The following MYO3B variants were observed in gnomAD, a reference collection of about 807,000 sequenced individuals.
The protein encoded by MYO3B is myosin-IIIb.
MYO3B carries 156 observed loss-of-function variants against 174.6 expected under a neutral mutation model. The ratio of observed to expected loss-of-function variants is 0.89; its 90% CI spans 0.78 to 1.02. The LOEUF is 1.02. Ranked by LOEUF, MYO3B falls within the 50% of genes least tolerant of loss-of-function variation. The pLI is 0.00. For missense variants in MYO3B, 1,632 were observed against 1,639.4 expected (o/e 1.00, Z 0.08); for synonymous variants, 563 against 569.1 (o/e 0.99, Z 0.15).
chr2:170,491,777 C>T (rs1468452492), intron 25 of MYO3B, among the ~76,000 whole-genome samples: 1 of 152,160 alleles, frequency 6.6e-6, no homozygotes, highest in Non-Finnish European at 1.5e-5. Flanking sequence ...TAGGGTATAT[C>T]ATGGTAAATG....
chr2:170,286,205 C>T (rs184925442), intron 7 of MYO3B, among the ~76,000 whole-genome samples: 379 of 152,254 alleles, frequency 2.5e-3, no homozygotes, highest in African/African-American at 8.8e-3. Flanking sequence ...CCAAAGCAGC[C>T]AAAGCAATGT....
At chr2:170,297,061 C>A (rs1480876556) in intron 7 of MYO3B, among the ~76,000 whole-genome samples, 1 of 152,092 alleles carries the variant, frequency 6.6e-6, no homozygotes, top group African/African-American at 2.4e-5. Context: ...CAGATCCGAA[C>A]CATATTAATC....
intron 27 of MYO3B, among the ~76,000 whole-genome samples, chr2:170,500,523 T>A (rs2106080734): frequency 6.6e-6 from 1 of 152,348 alleles, no homozygotes; most frequent in South Asian, 2.1e-4. Context: ...CTGCATTTGC[T>A]GCTACCCAGG....
chr2:170,432,554 TAATTTATTATTTAAAAAAAAAGA>T (rs1194468871), intron 22 of MYO3B, among the ~76,000 whole-genome samples: 2 of 151,844 alleles, frequency 1.3e-5, no homozygotes, highest in Non-Finnish European at 2.9e-5. Context: ...GGTAAGTGGT[TAATTTATTATTTAAAAAAAAAGA>T]AATTTTTTTT....
intron 7 of MYO3B, among the ~76,000 whole-genome samples, chr2:170,307,124 T>A (rs2093705970): frequency 6.6e-6 from 1 of 151,354 alleles, no homozygotes; most frequent in Non-Finnish European, 1.5e-5. Context: ...ACACCAGCAG[T>A]CCTAACTACT....
intron 32 of MYO3B, among the ~76,000 whole-genome samples, chr2:170,612,856 C>T (rs930791555): frequency 2.0e-5 from 3 of 152,196 alleles, no homozygotes; most frequent in South Asian, 2.1e-4. Context: ...GCATGACCCA[C>T]GGAAGATGTC....
chr2:170,539,250 C>A (rs947892717), intron 30 of MYO3B, among the ~76,000 whole-genome samples: 1 of 152,178 alleles, frequency 6.6e-6, no homozygotes, highest in East Asian at 1.9e-4. Context: ...TGCTTGCTTC[C>A]TGTGGTCTTA....
chr2:170,357,224 T>C lies in MYO3B; in HGVS notation c.816-11998T>C, dbSNP rs575467288. ...CAGGAAGCTGAGGCAGGAGAATCCC[T>C]TGAACCTGGGAGGCGGAGGTTGCAG... is the stretch of plus-strand genomic sequence containing the variant. On this transcript the variant is annotated intron_variant, in intron 8 of 34. Coordinates refer to ENST00000408978, the MANE Select transcript of MYO3B (RefSeq NM_138995.5). Among the ~76,000 whole-genome samples the C allele has an allele frequency of 3.6e-3, 540 of 151,658 alleles. 2 individuals carry two copies. Among genetic ancestry groups the C allele is most frequent in the Middle Eastern group, 0.01 (3 of 294 alleles).
At chr2:170,472,279 G>A (rs1685021443) in intron 25 of MYO3B, among the ~76,000 whole-genome samples, 1 of 152,168 alleles carries the variant, frequency 6.6e-6, no homozygotes, top group African/African-American at 2.4e-5. Flanking sequence ...GTGTAAGGGA[G>A]TCCACCTGAT....
intron 34 of MYO3B, 97 bp from the exon 35 acceptor site, chr2:170,652,886 C>G: frequency 7.2e-7 from 1 of 1,396,728 alleles, no homozygotes; most frequent in South Asian, 1.3e-5. Flanking sequence ...GGAGCCCAAC[C>G]CTGTTCCAGC....
intron 25 of MYO3B, among the ~76,000 whole-genome samples, chr2:170,469,492 T>G (rs1684841061): frequency 6.6e-6 from 1 of 152,166 alleles, no homozygotes. Flanking sequence ...AACTCTTCCC[T>G]CTTCTCTTTC....
At chr2:170,524,379 A>G (rs1274151939) in intron 30 of MYO3B, 6 of 366,314 alleles carry the variant, frequency 1.6e-5, no homozygotes, top group Non-Finnish European at 2.1e-5. Flanking sequence ...GTCACACAGA[A>G]TAAATGGTGG....
intron 32 of MYO3B, among the ~76,000 whole-genome samples, chr2:170,557,540 C>T (rs1478441922): frequency 1.3e-5 from 2 of 152,034 alleles, no homozygotes; most frequent in East Asian, 3.8e-4. Context: ...TAAAATATAC[C>T]TTTATTCCTC....
At chr2:170,264,829 T>C (rs1267416621) in intron 7 of MYO3B, among the ~76,000 whole-genome samples, 1 of 152,210 alleles carries the variant, frequency 6.6e-6, no homozygotes, top group African/African-American at 2.4e-5. Flanking sequence ...TTTTGGAGGA[T>C]GGCAGTAGCA....
chr2:170,366,069 G>A (rs1221601686), intron 8 of MYO3B, among the ~76,000 whole-genome samples: 1 of 152,094 alleles, frequency 6.6e-6, no homozygotes, highest in Non-Finnish European at 1.5e-5. Flanking sequence ...CATGCTTTTT[G>A]CATGCAGTGG....
chr2:170,260,786 A>G (rs953249574), intron 7 of MYO3B, among the ~76,000 whole-genome samples: 2 of 152,202 alleles, frequency 1.3e-5, no homozygotes, highest in Non-Finnish European at 2.9e-5. Flanking sequence ...CCAAATTGGA[A>G]TGGGACCTGG....
chr2:170,632,672 CA>C (rs1697110620), intron 32 of MYO3B, among the ~76,000 whole-genome samples: 1 of 151,858 alleles, frequency 6.6e-6, no homozygotes, highest in African/African-American at 2.4e-5. Context: ...AAAAACCCTT[CA>C]AAAAAACCAA....
chr2:170,393,084 C>CTT (rs11427527), intron 16 of MYO3B, among the ~76,000 whole-genome samples: 10,602 of 133,632 alleles, frequency 0.079, 568 homozygotes, highest in Middle Eastern at 0.14. Context: ...TACTGTACTA[C>CTT]TTTTTTTTTT....
intron 32 of MYO3B, among the ~76,000 whole-genome samples, chr2:170,597,768 T>A (rs928420240): frequency 6.6e-6 from 1 of 152,262 alleles, no homozygotes; most frequent in Non-Finnish European, 1.5e-5. Context: ...CTATTATTAG[T>A]GCCTCTGTTG....
Sources: allele counts gnomAD v4.1 joint callset (sites outside exome capture counted in the v4.1 genomes callset), GRCh38; gene constraint gnomAD v4.1.1; transcripts MANE v1.5; gene names NCBI Gene and HGNC (gene_info 2026-07-23, HGNC 2026-07-21).